Variants in B4GALT5 observed in about 807,000 individuals in gnomAD.
B4GALT5 encodes UDP-Gal:beta-GlcNAc beta-1,4-galactosyltransferase 5.
B4GALT5 carries 11 observed loss-of-function variants against 45.0 expected under a neutral mutation model. That is an observed-to-expected ratio of 0.24 (90% CI 0.15 to 0.40). The LOEUF is 0.40. Ranked by LOEUF, B4GALT5 falls within the 10% of genes least tolerant of loss-of-function variation. The pLI is 1.00. For synonymous variants in B4GALT5, 185 were observed against 182.9 expected (o/e 1.01, Z -0.09); for missense variants, 337 against 500.2 (o/e 0.67, Z 3.11).
chr20:49,666,555 A>C (rs970986026), intron 1 of B4GALT5, among the ~76,000 whole-genome samples: 1 of 152,230 alleles, frequency 6.6e-6, no homozygotes. Flanking sequence ...CATAAAGAAC[A>C]GGGAAAAGGG....
chr20:49,699,081 C>A (rs568514275), intron 1 of B4GALT5, among the ~76,000 whole-genome samples: 1 of 152,168 alleles, frequency 6.6e-6, no homozygotes, highest in South Asian at 2.1e-4. Flanking sequence ...AAGCCATTAA[C>A]CTAAATATTT....
chr20:49,648,678 G>A (rs1162693760), intron 2 of B4GALT5, among the ~76,000 whole-genome samples: 1 of 152,158 alleles, frequency 6.6e-6, no homozygotes, highest in Non-Finnish European at 1.5e-5. Flanking sequence ...CCTCACATAT[G>A]TATGCCCCTT....
rs138960078 is a variant in B4GALT5 at position 49,636,424 on chromosome 20, C to T, written c.1055G>A (p.Gly352Glu). 76 of 1,613,980 alleles carry T rather than the reference C, an allele frequency of 4.7e-5. No individual in the cohort carries two copies. Among genetic ancestry groups the T allele is most frequent in the African/African-American group, 4.1e-4 (31 of 74,884 alleles). The change falls in exon 9 of 9, where the codon GGG (glycine) becomes GAG (glutamate). Residue 352 changes from glycine to glutamate, a missense_variant. By Grantham distance (98) the Gly-to-Glu change is moderately conservative. This residue lies in a region of B4GALT5 where 163 missense variants were observed against 292.8 expected (regional missense o/e 0.56). Coordinates refer to ENST00000371711, the MANE Select transcript of B4GALT5 (RefSeq NM_004776.4). ...ALLRKSKERQGLDGLNNLNYF... is the reference protein window; with the variant it reads ...ALLRKSKERQELDGLNNLNYF... ...GTTCAGGTTGTTGAGGCCATCCAGC[C>T]CTTGCCGTTCTTTTGACTTCCTCAG... is the stretch of plus-strand genomic sequence containing the variant.
At chr20:49,681,413 C>T (rs1007480307) in intron 1 of B4GALT5, among the ~76,000 whole-genome samples, 2 of 151,864 alleles carry the variant, frequency 1.3e-5, no homozygotes, top group Non-Finnish European at 2.9e-5. Flanking sequence ...CATTTTAATG[C>T]TGCAGATCCC....
chr20:49,683,121 T>C (rs1162386419), intron 1 of B4GALT5, among the ~76,000 whole-genome samples: 2 of 151,532 alleles, frequency 1.3e-5, no homozygotes, highest in Admixed American at 6.6e-5. Flanking sequence ...AAAAGTGACA[T>C]AGAAGGACGA....
At chr20:49,640,356 C>T (rs2085571541) in intron 6 of B4GALT5, 122 bp downstream of exon 6, 7 of 811,962 alleles carry the variant, frequency 8.6e-6, no homozygotes, top group Non-Finnish European at 1.3e-5. Flanking sequence ...TGGATACACA[C>T]ATTTTGTTTA....
At chr20:49,651,425 C>CT (rs113148970) in intron 2 of B4GALT5, among the ~76,000 whole-genome samples, 2,206 of 151,784 alleles carry the variant, frequency 0.015, 58 homozygotes, top group African/African-American at 0.05. Flanking sequence ...CCTATCTCTA[C>CT]TAAAAATACA....
intron 7 of B4GALT5, among the ~76,000 whole-genome samples, chr20:49,639,310 T>G (rs2085566197): frequency 6.6e-6 from 1 of 152,198 alleles, no homozygotes; most frequent in Non-Finnish European, 1.5e-5. Flanking sequence ...GATATTAAGA[T>G]ATTTTTAAAT....
chr20:49,687,421 G>A (rs1423319245), intron 1 of B4GALT5, among the ~76,000 whole-genome samples: 9 of 152,130 alleles, frequency 5.9e-5, no homozygotes, highest in African/African-American at 1.2e-4. Context: ...TGAGGTGGGC[G>A]GATCATAAGG....
At chr20:49,637,754 T>G in intron 7 of B4GALT5, among the ~76,000 whole-genome samples, 1 of 147,124 alleles carries the variant, frequency 6.8e-6, no homozygotes, top group African/African-American at 2.5e-5. Flanking sequence ...GCCAAAATGG[T>G]GAAACCCCAT....
chr20:49,694,176 G>A (rs188085787), intron 1 of B4GALT5, among the ~76,000 whole-genome samples: 98 of 152,248 alleles, frequency 6.4e-4, no homozygotes, highest in African/African-American at 2.3e-3. Context: ...GAAAAAGTAT[G>A]TTCCTCATAC....
intron 1 of B4GALT5, among the ~76,000 whole-genome samples, chr20:49,686,904 A>G (rs2085788357): frequency 6.6e-6 from 1 of 152,074 alleles, no homozygotes; most frequent in African/African-American, 2.4e-5. Flanking sequence ...ATCTTTACCA[A>G]AGAAAAAAAA....
Position 49,636,230 on chromosome 20 carries a change from A to T in B4GALT5, c.*82T>A. ...CAGTATTTCTGTTCTCTTGCTGTGT[A>T]GACCCTCCCCCCTCCAAAAAAAAAT... On this transcript the variant is annotated 3_prime_UTR_variant, in exon 9 of 9. Coordinates refer to ENST00000371711, the MANE Select transcript of B4GALT5 (RefSeq NM_004776.4). The T allele has an allele frequency of 1.3e-6, 2 of 1,518,984 alleles. No homozygotes were observed. Among genetic ancestry groups the T allele is most frequent in the Non-Finnish European group, 1.8e-6 (2 of 1,109,410 alleles). The allele number at this position is 1,518,984 out of a possible 1,614,324, so 94.1% of individuals were successfully genotyped here. A position where few individuals can be genotyped will look rare whatever the true frequency, so the allele number is the denominator to read the frequency against.
intron 2 of B4GALT5, among the ~76,000 whole-genome samples, chr20:49,652,158 C>T (rs2085625302): frequency 6.6e-6 from 1 of 152,070 alleles, no homozygotes; most frequent in African/African-American, 2.4e-5. Flanking sequence ...CAGTCAGGCA[C>T]AGACATCAGT....
At chr20:49,661,475 T>C (rs1372838500) in intron 1 of B4GALT5, among the ~76,000 whole-genome samples, 1 of 152,224 alleles carries the variant, frequency 6.6e-6, no homozygotes, top group Non-Finnish European at 1.5e-5. Context: ...CCTCAGGTGA[T>C]CTGCCTGCCT....
intron 6 of B4GALT5, among the ~76,000 whole-genome samples, chr20:49,640,121 A>G (rs2085570040): frequency 6.6e-6 from 1 of 152,156 alleles, no homozygotes; most frequent in Non-Finnish European, 1.5e-5. Flanking sequence ...TGCACCCATT[A>G]GCAATCACCC....
chr20:49,681,141 A>C (rs1002088476), intron 1 of B4GALT5, among the ~76,000 whole-genome samples: 1 of 142,940 alleles, frequency 7.0e-6, no homozygotes, highest in African/African-American at 2.6e-5. Flanking sequence ...GTTTGAGCCC[A>C]TGTGTTTTAG....
At chr20:49,703,392 G>C (rs1335145909) in intron 1 of B4GALT5, among the ~76,000 whole-genome samples, 1 of 151,992 alleles carries the variant, frequency 6.6e-6, no homozygotes, top group Non-Finnish European at 1.5e-5. Flanking sequence ...GCAGTCCAAC[G>C]ACCAAGAGGC....
At chr20:49,689,772 G>A (rs774172403) in intron 1 of B4GALT5, among the ~76,000 whole-genome samples, 24 of 152,164 alleles carry the variant, frequency 1.6e-4, no homozygotes, top group Non-Finnish European at 2.8e-4. Context: ...GCACATACCT[G>A]TGTAATCTAA....
Sources: gnomAD v4.1 joint callset for allele counts (sites outside exome capture counted in the v4.1 genomes callset) on GRCh38, gnomAD v4.1.1 for gene constraint, gnomAD v4.1.1 regional missense constraint, MANE v1.5 for transcripts, NCBI Gene and HGNC (gene_info 2026-07-23, HGNC 2026-07-21) for gene names.